PDXDC1: variants seen among roughly 807,000 people sequenced by gnomAD.
PDXDC1 encodes pyridoxal-dependent decarboxylase domain-containing protein 1.
PDXDC1 carries 42 observed loss-of-function variants against 100.1 expected under a neutral mutation model. The ratio of observed to expected loss-of-function variants is 0.42; its 90% confidence interval spans 0.33 to 0.54. The LOEUF (loss-of-function observed/expected upper bound fraction) is 0.54, where lower values mean the gene tolerates loss of function less well. Among genes scored for constraint, PDXDC1 ranks in the 20% least tolerant of loss-of-function variants. The probability of loss-of-function intolerance (pLI) is 0.10; values close to 1 mark genes in which losing one functional copy is unlikely to be tolerated. For missense variants in PDXDC1, 636 were observed against 979.2 expected, an observed-to-expected ratio of 0.65 and a Z score of 4.68; for synonymous variants, 260 against 371.7, an observed-to-expected ratio of 0.70 and a Z score of 3.46.
intron 16 of PDXDC1, among the ~76,000 whole-genome samples, chr16:15,064,630 CA>C (rs2044877112): frequency 6.6e-6 from 1 of 152,190 alleles, no homozygotes; most frequent in Non-Finnish European, 1.5e-5. Context: ...GTTTAAATAA[CA>C]GTTTAAAGAA....
At chr16:15,140,216 G>A (rs1419931812), downstream of PDXDC1, among the ~76,000 whole-genome samples, 4 of 151,264 alleles carry the variant, frequency 2.6e-5, no homozygotes, top group African/African-American at 4.9e-5. Flanking sequence ...AGGCTGAGGC[G>A]GGCGGATCAC....
At chr16:15,040,396 G>T (rs755727172), downstream of PDXDC1, 32 of 285,940 alleles carry the variant, frequency 1.1e-4, no homozygotes, top group Non-Finnish European at 1.9e-4. Context: ...GGGTGGCTGG[G>T]TGAACTGTGA....
chr16:14,983,155 C>T (rs1248976723), intron 1 of PDXDC1, among the ~76,000 whole-genome samples: 10 of 152,222 alleles, frequency 6.6e-5, no homozygotes, highest in Admixed American at 1.3e-4. Flanking sequence ...ACATTCCTCT[C>T]CTGAAAAAAA....
At chr16:15,071,288 A>G (rs1264257870) in intron 16 of PDXDC1, 1 of 1,547,038 alleles carries the variant, frequency 6.5e-7, no homozygotes. Flanking sequence ...ATCTTTTTTA[A>G]TGCCTAAGAT....
chr16:15,000,898 A>G (rs1244766839), intron 3 of PDXDC1, among the ~76,000 whole-genome samples: 1 of 149,052 alleles, frequency 6.7e-6, no homozygotes, highest in Admixed American at 6.7e-5. Flanking sequence ...TATATATTAT[A>G]TTTTATATAA....
the PDXDC1 span, among the ~76,000 whole-genome samples, chr16:15,150,362 T>C: frequency 1.4e-5 from 2 of 146,360 alleles, no homozygotes; most frequent in African/African-American, 2.5e-5. Context: ...AATAAATAAA[T>C]AAATAAATAA....
chr16:15,029,088 A>G, intron 15 of PDXDC1, 122 bp downstream of exon 15: 1 of 1,133,172 alleles, frequency 8.8e-7, no homozygotes, highest in South Asian at 1.3e-5. Flanking sequence ...CCGCCCTGCC[A>G]GTGCTGGGCC....
At chr16:15,147,840 C>G in the PDXDC1 span, among the ~76,000 whole-genome samples, 1 of 151,986 alleles carries the variant, frequency 6.6e-6, no homozygotes, top group East Asian at 1.9e-4. Flanking sequence ...AGGCGCCCAC[C>G]ACCACACCTC....
chr16:15,057,783 G>A (rs1437275229), intron 16 of PDXDC1, among the ~76,000 whole-genome samples: 1 of 152,218 alleles, frequency 6.6e-6, no homozygotes, highest in East Asian at 1.9e-4. Context: ...GAGGCATTTG[G>A]AAGTGCAAAG....
At chr16:15,073,061 T>A (rs748372425) in intron 16 of PDXDC1, 1 of 1,611,746 alleles carries the variant, frequency 6.2e-7, no homozygotes, top group East Asian at 2.2e-5. Context: ...GATCCTTTGT[T>A]TTGCCGTTAT....
In PDXDC1 at chr16:15,015,044, T is replaced by G. The variant is rs188514589; in HGVS notation, c.728-1085T>G. On this transcript the variant is annotated intron_variant, in intron 8 of 22. Coordinates refer to ENST00000396410, the MANE Select transcript of PDXDC1 (RefSeq NM_015027.4). ...GCTCTGCCTCCCAGGTTCACGCCAT[T>G]CTCCCGCCTCGGCCCCGCGAGTACC... is the stretch of plus-strand genomic sequence containing the variant. Among the ~76,000 whole-genome samples, 78 of 152,362 alleles carry G rather than the reference T, an allele frequency of 5.1e-4. No individual in the cohort carries two copies. In the East Asian group the frequency reaches 0.013, roughly 26 times the overall value.
intron 16 of PDXDC1, among the ~76,000 whole-genome samples, chr16:15,048,459 A>G (rs1405918011): frequency 2.0e-5 from 3 of 151,996 alleles, no homozygotes; most frequent in South Asian, 2.1e-4. Context: ...GGCTCAAGCA[A>G]TCTTCCTGCC....
At chr16:15,049,269 T>G (rs1434580390) in intron 16 of PDXDC1, among the ~76,000 whole-genome samples, 1 of 152,164 alleles carries the variant, frequency 6.6e-6, no homozygotes, top group Non-Finnish European at 1.5e-5. Flanking sequence ...ACTCAAGTGA[T>G]CCACCCACCT....
intron 16 of PDXDC1, among the ~76,000 whole-genome samples, chr16:15,098,648 G>T (rs4012863): frequency 1.3e-5 from 2 of 151,986 alleles, no homozygotes; most frequent in Non-Finnish European, 2.9e-5. Context: ...GGAGGCCAAG[G>T]TGGGTGGATC....
At chr16:15,056,916 C>G (rs12928424) in intron 16 of PDXDC1, among the ~76,000 whole-genome samples, 77,645 of 151,914 alleles carry the variant, frequency 0.51, 21,691 homozygotes, top group Admixed American at 0.64. Flanking sequence ...GGCTGGGAAC[C>G]GTGGGGGAAG....
chr16:15,002,581 G>T (rs953671347), intron 4 of PDXDC1, among the ~76,000 whole-genome samples: 4 of 152,292 alleles, frequency 2.6e-5, no homozygotes, highest in African/African-American at 4.8e-5. Flanking sequence ...CTGTCATGTT[G>T]CACTGTTACA....
downstream of PDXDC1, among the ~76,000 whole-genome samples, chr16:15,143,752 CAG>C (rs900610562): frequency 6.6e-6 from 1 of 152,240 alleles, no homozygotes; most frequent in African/African-American, 2.4e-5. Context: ...CAATCCACAA[CAG>C]AGGGAATGGC....
rs143549227 is a variant in PDXDC1, at chr16:15,036,018, C to T, written c.2110C>T (p.Gln704Ter). ...CAGTCTGTCTGCCCTTTCTGTAGGCCAGAAGCCTTTTAAAAGGTCCCTGCG... is the reference window on the plus strand; with the variant it reads ...CAGTCTGTCTGCCCTTTCTGTAGGCTAGAAGCCTTTTAAAAGGTCCCTGCG... ...GSRTKQRLPG[Q>*]KPFKRSLRGS... Residue 704 changes from glutamine (Q) to a stop codon, truncating the protein, a stop_gained and splice_region_variant, in exon 23 of 23, where the codon CAG becomes TAG. Transcript: ENST00000396410. LOFTEE classifies it low-confidence loss of function (END_TRUNC). The T allele has an allele frequency of 1.2e-6, 2 of 1,611,928 alleles. No individual in the cohort carries two copies. The highest frequency in any genetic ancestry group is 2.2e-5 in the East Asian group (1 of 44,890).
Position 15,036,010 on chromosome 16 carries a change from C to T in PDXDC1, c.2108-6C>T, listed in dbSNP as rs1247223340. The T allele has an allele frequency of 1.2e-6, 2 of 1,608,326 alleles. No individual in the cohort carries two copies. Among genetic ancestry groups the T allele is most frequent in the African/African-American group, 2.7e-5 (2 of 74,710 alleles). On this transcript the variant is annotated splice_region_variant and splice_polypyrimidine_tract_variant and intron_variant, in intron 22 of 22. Transcript: ENST00000396410. ...TTTCAGCGCAGTCTGTCTGCCCTTT[C>T]TGTAGGCCAGAAGCCTTTTAAAAGG...
Sources: allele counts gnomAD v4.1 joint callset (sites outside exome capture counted in the v4.1 genomes callset), GRCh38; gene constraint gnomAD v4.1.1; transcripts MANE v1.5; gene names NCBI Gene and HGNC (gene_info 2026-07-23, HGNC 2026-07-21).